Variants in GAS7 observed in about 807,000 individuals in gnomAD.
GAS7 encodes growth arrest-specific protein 7.
In GAS7, 28 loss-of-function variants were observed where a neutral mutation model predicts 71.1. That is an observed-to-expected ratio of 0.39 (90% CI 0.29 to 0.54). The LOEUF (loss-of-function observed/expected upper bound fraction) is 0.54. Ranked by LOEUF, GAS7 falls within the 20% of genes least tolerant of loss-of-function variation. The pLI is 0.62. For synonymous variants in GAS7, 258 were observed against 245.8 expected, an observed-to-expected ratio of 1.05 and a Z score of -0.46; for missense variants, 436 against 627.8, an observed-to-expected ratio of 0.69 and a Z score of 3.27.
intron 1 of GAS7, among the ~76,000 whole-genome samples, chr17:10,159,674 T>C (rs2074236270): frequency 6.6e-6 from 1 of 152,056 alleles, no homozygotes. Flanking sequence ...AGTACTGACT[T>C]GGAGAGAAGG....
Position 9,914,027 on chromosome 17 carries a change from A to G in GAS7, c.*3201T>C, listed in dbSNP as rs570900907. The G allele has an allele frequency of 2.2e-4, 51 of 229,416 alleles. No homozygotes were observed. Among genetic ancestry groups the G allele is most frequent in the South Asian group, 5.5e-4 (3 of 5,468 alleles). The allele number at this position is 229,416 out of a possible 1,614,324, so 14.2% of individuals were successfully genotyped here. A position where few individuals can be genotyped will look rare whatever the true frequency, so the allele number is the denominator to read the frequency against. On this transcript the variant is annotated 3_prime_UTR_variant, in exon 14 of 14. Coordinates refer to ENST00000432992, the MANE Select transcript of GAS7 (RefSeq NM_201433.2). The stretch of plus-strand genomic sequence containing the variant: ...CACCAAGACATAAAACAAAACAACA[A>G]CCCGGATAGCGTGCTTGCCTCTCCA...
intron 8 of GAS7, among the ~76,000 whole-genome samples, chr17:9,937,297 C>T (rs564120014): frequency 1.1e-4 from 17 of 152,290 alleles, no homozygotes; most frequent in Non-Finnish European, 1.9e-4. Flanking sequence ...CTGGACTGCT[C>T]GGGTGAGGAG....
chr17:10,011,701 G>A (rs985250968), intron 2 of GAS7, among the ~76,000 whole-genome samples: 1 of 152,198 alleles, frequency 6.6e-6, no homozygotes, highest in African/African-American at 2.4e-5. Context: ...TCAAGGCCGG[G>A]TGCGGTGGCT....
At chr17:10,019,254 C>G (rs1006913035) in intron 2 of GAS7, among the ~76,000 whole-genome samples, 7 of 152,040 alleles carry the variant, frequency 4.6e-5, no homozygotes, top group African/African-American at 1.4e-4. Flanking sequence ...CCGGCATTTC[C>G]CAAAAAACAT....
At chr17:9,958,164 C>A (rs2069325649) in intron 5 of GAS7, among the ~76,000 whole-genome samples, 1 of 152,178 alleles carries the variant, frequency 6.6e-6, no homozygotes, top group Admixed American at 6.5e-5. Flanking sequence ...AAACTTGCCC[C>A]AGGCTGTTGC....
At chr17:9,968,826 T>C (rs994725828) in intron 4 of GAS7, among the ~76,000 whole-genome samples, 1 of 152,246 alleles carries the variant, frequency 6.6e-6, no homozygotes, top group Non-Finnish European at 1.5e-5. Flanking sequence ...ATCATCAATA[T>C]TATCATCATG....
At chr17:10,193,782 GCC>G (rs2074519592) in intron 1 of GAS7, among the ~76,000 whole-genome samples, 1 of 152,090 alleles carries the variant, frequency 6.6e-6, no homozygotes, top group Non-Finnish European at 1.5e-5. Context: ...CCAAGACTCT[GCC>G]CCAGCCACCA....
intron 1 of GAS7, among the ~76,000 whole-genome samples, chr17:10,196,345 C>T (rs1567628865): frequency 1.3e-5 from 2 of 152,342 alleles, no homozygotes; most frequent in South Asian, 4.1e-4. Flanking sequence ...TCACCCTTCA[C>T]AGAGCTGTCA....
At chr17:10,055,959 A>G (rs1012376209) in intron 1 of GAS7, among the ~76,000 whole-genome samples, 1 of 152,068 alleles carries the variant, frequency 6.6e-6, no homozygotes, top group Non-Finnish European at 1.5e-5. Flanking sequence ...CCTTCATGAT[A>G]CTTTCTTTGA....
At chr17:9,917,487 G>T (rs2067623217) in intron 13 of GAS7, 146 bp from the exon 14 acceptor site, 1 of 637,692 alleles carries the variant, frequency 1.6e-6, no homozygotes, top group Admixed American at 2.5e-5. Flanking sequence ...GCCCATCTGA[G>T]GGACAGCACA....
At chr17:9,951,767 A>AAAAAAAAAAAAAAAAAAAAAAAAAC (rs2069022115) in intron 5 of GAS7, among the ~76,000 whole-genome samples, 1 of 96,156 alleles carries the variant, frequency 1.0e-5, no homozygotes. Context: ...TCTCAAAAAA[A>AAAAAAAAAAAAAAAAAAAAAAAAAC]AAAAAAAAAA....
chr17:10,115,821 C>A (rs1266739558), intron 1 of GAS7, among the ~76,000 whole-genome samples: 1 of 152,184 alleles, frequency 6.6e-6, no homozygotes, highest in Non-Finnish European at 1.5e-5. Context: ...CCAGCCATGA[C>A]AGATTCCAAA....
intron 1 of GAS7, among the ~76,000 whole-genome samples, chr17:10,121,351 A>C (rs940860852): frequency 6.6e-6 from 1 of 152,234 alleles, no homozygotes; most frequent in Non-Finnish European, 1.5e-5. Flanking sequence ...ACTGCACTCC[A>C]GCCTGGGCAA....
At chr17:9,943,527 G>C (rs533683305) in intron 6 of GAS7, among the ~76,000 whole-genome samples, 1 of 152,166 alleles carries the variant, frequency 6.6e-6, no homozygotes, top group Non-Finnish European at 1.5e-5. Flanking sequence ...CAAGAGCACC[G>C]GCTGTGATGC....
At position 10,153,997 on chromosome 17, in the gene GAS7, G is replaced by A. The variant is rs188989298; in HGVS notation, c.183+44211C>T. Among the ~76,000 whole-genome samples the A allele has an allele frequency of 8.7e-4, 132 of 152,348 alleles. 1 individual carries two copies. Among genetic ancestry groups the A allele is most frequent in the Non-Finnish European group, 7.6e-4 (52 of 68,038 alleles). On this transcript the variant is annotated intron_variant, in intron 1 of 13. Coordinates refer to ENST00000432992, the MANE Select transcript of GAS7 (RefSeq NM_201433.2). ...GAAGGTTGAGGCAGGAGGACTGCTT[G>A]AGCCCAGGAGTTTGAGGTAATAAAC...
chr17:9,922,245 G>A (rs963142109), intron 11 of GAS7, among the ~76,000 whole-genome samples: 1 of 152,132 alleles, frequency 6.6e-6, no homozygotes, highest in Non-Finnish European at 1.5e-5. Flanking sequence ...AGGATCTGAT[G>A]TCTTTCCTTC....
intron 1 of GAS7, among the ~76,000 whole-genome samples, chr17:10,192,649 A>G (rs1403309195): frequency 6.6e-6 from 1 of 152,134 alleles, no homozygotes; most frequent in African/African-American, 2.4e-5. Context: ...CTTTTGTGAA[A>G]ATGCCCTGAA....
At position 9,969,492 on chromosome 17, in the gene GAS7, G is replaced by C. The variant is rs566534363; in HGVS notation, c.471+185C>G. 3.9e-5 allele frequency among the ~76,000 whole-genome samples: 6 copies of C among 152,086 alleles called. No homozygotes were observed. The highest frequency in any genetic ancestry group is 8.8e-5 in the Non-Finnish European group (6 of 68,010). ...ACCCTCGACTTCTAGAAAACCAACA[G>C]ACCACAATCATCCAACCCTCTCCCC... On this transcript the variant is annotated intron_variant, in intron 4 of 13. Coordinates refer to ENST00000432992, the MANE Select transcript of GAS7 (RefSeq NM_201433.2). This position sits in a 1 kb window ranked among gnomAD's most constrained non-coding sequence, Gnocchi z 5.5.
chr17:10,179,987 A>C (rs2074401756), intron 1 of GAS7, among the ~76,000 whole-genome samples: 1 of 152,190 alleles, frequency 6.6e-6, no homozygotes, highest in Admixed American at 6.5e-5. Context: ...CGTTTAGGAA[A>C]ACAATTGTAA....
Sources: gnomAD v4.1 joint callset for allele counts (sites outside exome capture counted in the v4.1 genomes callset) on GRCh38, gnomAD v4.1.1 for gene constraint, Gnocchi (gnomAD v3.1) non-coding constraint, MANE v1.5 for transcripts, NCBI Gene and HGNC (gene_info 2026-07-23, HGNC 2026-07-21) for gene names.